The following HEG1 variants were observed in gnomAD, a reference collection of about 807,000 sequenced individuals.
HEG1 encodes the protein protein HEG homolog 1.
In HEG1, 56 loss-of-function variants were observed where a neutral mutation model predicts 125.6. The observed-to-expected ratio is 0.45, with a 90% CI of 0.36 to 0.56. HEG1 has a LOEUF of 0.56. Ranked by LOEUF, HEG1 falls within the 20% of genes least tolerant of loss-of-function variation. HEG1 has a pLI of 0.00. For missense variants in HEG1, 1,523 were observed against 1,670.0 expected (o/e 0.91, Z 1.53); for synonymous variants, 644 against 668.5 (o/e 0.96, Z 0.57).
chr3:124,998,855 T>G (rs1196783494), intron 11 of HEG1, among the ~76,000 whole-genome samples: 1 of 152,088 alleles, frequency 6.6e-6, no homozygotes, highest in African/African-American at 2.4e-5. Flanking sequence ...AAGCTAGATA[T>G]TTGCTGTTGT....
At chr3:125,027,630 A>C in intron 2 of HEG1, 123 bp from the exon 3 acceptor site, 1 of 804,502 alleles carries the variant, frequency 1.2e-6, no homozygotes, top group Non-Finnish European at 1.9e-6. Context: ...TTAGGAGAAT[A>C]ATTCAGTCTA....
rs768722400 is a variant in HEG1, at chr3:125,029,472, A to T, written c.333T>A (p.His111Gln). The T allele has an allele frequency of 6.3e-7, 1 of 1,594,784 alleles. No individual in the cohort carries two copies. The highest frequency in any genetic ancestry group is 8.5e-7 in the Non-Finnish European group (1 of 1,174,996). Residue 111 changes from histidine (H) to glutamine (Q), a missense_variant, in exon 2 of 17, where the codon CAT (histidine) becomes CAA (glutamine). Physicochemically the swap from His to Gln is conservative, Grantham distance 24. Coordinates refer to ENST00000311127, the MANE Select transcript of HEG1 (RefSeq NM_020733.2). ...GGGCCTCAGTGTTACTTTCTGGCCA[A>T]TGTTTCCAGGCAGCATCTGAAAGAA... Reference protein sequence around the residue: ...RGGSADAAWKHWPESNTEAHV... With the variant: ...RGGSADAAWKQWPESNTEAHV...
intron 1 of HEG1, among the ~76,000 whole-genome samples, chr3:125,035,102 T>A (rs1364934580): frequency 6.6e-6 from 1 of 152,168 alleles, no homozygotes; most frequent in African/African-American, 2.4e-5. Flanking sequence ...GTAGCTGAGA[T>A]TACAGGTGTG....
chr3:125,023,193 CAAACAAACAAAA>C (rs1424891686), intron 3 of HEG1, among the ~76,000 whole-genome samples: 1 of 150,624 alleles, frequency 6.6e-6, no homozygotes, highest in Non-Finnish European at 1.5e-5. Flanking sequence ...GACTTGGTCT[CAAACAAACAAAA>C]AAACAAACAA....
intron 12 of HEG1, among the ~76,000 whole-genome samples, chr3:124,992,931 G>A (rs560585773): frequency 1.2e-3 from 187 of 152,298 alleles, no homozygotes; most frequent in African/African-American, 4.3e-3. Flanking sequence ...TTTGTTATAA[G>A]CGGCAGCCAT....
intron 6 of HEG1, among the ~76,000 whole-genome samples, chr3:125,011,245 C>CA (rs201989109): frequency 0.16 from 23,163 of 145,434 alleles, 2,350 homozygotes; most frequent in East Asian, 0.48. Flanking sequence ...AGTCTTCACT[C>CA]AAAAAAAAAA....
chr3:124,981,350 G>A (rs2635), intron 14 of HEG1, among the ~76,000 whole-genome samples: 1 of 151,178 alleles, frequency 6.6e-6, no homozygotes, highest in African/African-American at 2.4e-5. Context: ...GGATGTCACA[G>A]TTATGTCAAG....
intron 16 of HEG1, 118 bp from the exon 17 acceptor site, chr3:124,970,919 A>C: frequency 2.4e-6 from 2 of 842,090 alleles, no homozygotes; most frequent in East Asian, 2.7e-5. Flanking sequence ...ATCCTGTATG[A>C]TGTGGTTCTA....
At chr3:124,991,300 C>T (rs1936831338) in intron 12 of HEG1, among the ~76,000 whole-genome samples, 1 of 151,918 alleles carries the variant, frequency 6.6e-6, no homozygotes, top group African/African-American at 2.4e-5. Flanking sequence ...CAGGCATGTG[C>T]CACCATGCCC....
rs951061644 is a variant in HEG1, at chr3:124,970,309, T to G, written c.*343A>C. ...AAACCTCCCACCCAATTTACTAAAG[T>G]GCAAACGAAGGGAAAACCAGGTCCC... On this transcript the variant is annotated 3_prime_UTR_variant, in exon 17 of 17. Transcript: ENST00000311127. 1 of 198,652 alleles carries G rather than the reference T, an allele frequency of 5.0e-6. No homozygotes were observed. The highest frequency in any genetic ancestry group is 1.0e-5 in the Non-Finnish European group (1 of 98,946). The allele number at this position is 198,652 out of a possible 1,614,324, so 12.3% of individuals were successfully genotyped here.
intron 1 of HEG1, among the ~76,000 whole-genome samples, chr3:125,038,605 T>C (rs1266994515): frequency 1.3e-5 from 2 of 152,224 alleles, no homozygotes; most frequent in South Asian, 4.1e-4. Flanking sequence ...TGCTAAAATA[T>C]GTACTGAAGT....
intron 12 of HEG1, among the ~76,000 whole-genome samples, chr3:124,996,331 G>A (rs565861061): frequency 1.3e-5 from 2 of 152,174 alleles, no homozygotes; most frequent in South Asian, 2.1e-4. Context: ...TGATCTGCCC[G>A]CCTCGGCCTC....
At chr3:125,003,201 C>A (rs1373381338) in intron 9 of HEG1, among the ~76,000 whole-genome samples, 2 of 152,204 alleles carry the variant, frequency 1.3e-5, no homozygotes, top group African/African-American at 4.8e-5. Context: ...TGAGTGGCTT[C>A]CTCAGCCAAT....
intron 14 of HEG1, among the ~76,000 whole-genome samples, chr3:124,990,349 T>G (rs1246940871): frequency 1.3e-5 from 2 of 151,956 alleles, no homozygotes; most frequent in South Asian, 4.2e-4. Flanking sequence ...GGGTTTTTTT[T>G]TTTTTTTAAA....
intron 8 of HEG1, among the ~76,000 whole-genome samples, chr3:125,007,556 G>GAAGACTAAAGTTA (rs1937090800): frequency 6.6e-6 from 1 of 152,198 alleles, no homozygotes; most frequent in Admixed American, 6.5e-5. Context: ...CCAAGAGTTT[G>GAAGACTAAAGTTA]AAGACTAAAG....
chr3:125,055,993 G>C lies in HEG1; in HGVS notation c.-103C>G. On this transcript the variant is annotated 5_prime_UTR_variant, in exon 1 of 17. Coordinates refer to ENST00000311127, the MANE Select transcript of HEG1 (RefSeq NM_020733.2). Reference sequence around the variant, plus strand: ...GCCGCGCGGGGCCGGGGAAGTGAGCGGAGTGAGGCTGCGAGCGCGCTCCCC... The same window carrying C: ...GCCGCGCGGGGCCGGGGAAGTGAGCCGAGTGAGGCTGCGAGCGCGCTCCCC... The C allele has an allele frequency of 1.7e-6, 1 of 572,758 alleles. No homozygotes were observed. Among genetic ancestry groups the C allele is most frequent in the Non-Finnish European group, 2.2e-6 (1 of 453,346 alleles). The allele number at this position is 572,758 out of a possible 1,614,324, so 35.5% of individuals were successfully genotyped here.
intron 14 of HEG1, among the ~76,000 whole-genome samples, chr3:124,981,033 A>G (rs181928828): frequency 2.0e-5 from 3 of 146,614 alleles, no homozygotes; most frequent in Non-Finnish European, 4.5e-5. Flanking sequence ...GGGACAGGGT[A>G]TCACTATGTT....
intron 1 of HEG1, among the ~76,000 whole-genome samples, chr3:125,031,619 G>A (rs1050609087): frequency 6.6e-6 from 1 of 151,794 alleles, no homozygotes; most frequent in African/African-American, 2.4e-5. Flanking sequence ...ACAAGTAGAG[G>A]CTGCAGGTAG....
intron 11 of HEG1, among the ~76,000 whole-genome samples, chr3:125,000,124 C>T (rs972453361): frequency 1.3e-5 from 2 of 152,158 alleles, no homozygotes; most frequent in African/African-American, 4.8e-5. Context: ...GGAAACAAGC[C>T]TGTTTTTTTC....
Sources: gnomAD v4.1 joint callset for allele counts (sites outside exome capture counted in the v4.1 genomes callset) on GRCh38, gnomAD v4.1.1 for gene constraint, MANE v1.5 for transcripts, NCBI Gene and HGNC (gene_info 2026-07-23, HGNC 2026-07-21) for gene names.